Variants in HLA-G observed in about 807,000 individuals in gnomAD.
HLA-G encodes major histocompatibility complex, class I, G, also known as HLA class I histocompatibility antigen, alpha chain G.
HLA-G carries 34 observed loss-of-function variants against 39.3 expected under a neutral mutation model. The observed-to-expected ratio is 0.86, with a 90% CI of 0.66 to 1.15. The LOEUF (loss-of-function observed/expected upper bound fraction) is 1.15. Among genes scored for constraint, HLA-G ranks in the 50% most tolerant of loss-of-function variants. The pLI, the probability that HLA-G is intolerant of heterozygous loss-of-function variation, is 0.00. For synonymous variants in HLA-G, 183 were observed against 185.8 expected, an observed-to-expected ratio of 0.99 and a Z score of 0.12; for missense variants, 419 against 456.4, an observed-to-expected ratio of 0.92 and a Z score of 0.75.
At chr6:29,830,730 T>C (rs1431906267) in intron 6 of HLA-G, 38 bp from the exon 7 acceptor site, 6 of 554,278 alleles carry the variant, frequency 1.1e-5, no homozygotes, top group Non-Finnish European at 2.1e-5. Flanking sequence ...CCCCTCACTG[T>C]GACTGATATG....
chr6:29,828,003 C>G, intron 1 of HLA-G, 44 bp from the exon 2 acceptor site: 1 of 1,599,118 alleles, frequency 6.3e-7, no homozygotes, highest in Non-Finnish European at 8.5e-7. Context: ...GGCAGCCGCG[C>G]CGGGAGGAGG....
rs565858069 is a variant in HLA-G at position 29,828,587 on chromosome 6, G to A, written c.388G>A (p.Asp130Asn). 3 of 1,612,940 alleles carry A rather than the reference G, an allele frequency of 1.9e-6. No individual in the cohort carries two copies. The highest frequency in any genetic ancestry group is 1.3e-5 in the African/African-American group (1 of 74,934). ...GATGATTGGCTGCGACCTGGGGTCC[G>A]ACGGACGCCTCCTCCGCGGGTATGA... ...QWMIGCDLGS[D>N]GRLLRGYEQY... is the part of the protein sequence containing the mutation. The change falls in exon 3 of 7, where the codon GAC becomes AAC. Residue 130 changes from aspartate to asparagine, a missense_variant. Asp to Asn is a conservative substitution (Grantham distance 23). This residue lies in a region of HLA-G where 328 missense variants were observed against 323.0 expected (regional missense o/e 1.02). Coordinates refer to ENST00000360323, the MANE Select transcript of HLA-G (RefSeq NM_001384290.1).
chr6:29,828,585 C>T lies in HLA-G; in HGVS notation c.386C>T (p.Ser129Phe), dbSNP rs78295860. 3 of 1,613,048 alleles carry T rather than the reference C, an allele frequency of 1.9e-6. No individual in the cohort carries two copies. Among genetic ancestry groups the T allele is most frequent in the Admixed American group, 3.3e-5 (2 of 60,030 alleles). ...LQWMIGCDLGSDGRLLRGYEQ... is the reference protein window; with the variant it reads ...LQWMIGCDLGFDGRLLRGYEQ... ...TGGATGATTGGCTGCGACCTGGGGTCCGACGGACGCCTCCTCCGCGGGTAT... is the reference window on the plus strand; with the variant it reads ...TGGATGATTGGCTGCGACCTGGGGTTCGACGGACGCCTCCTCCGCGGGTAT... Residue 129 changes from serine to phenylalanine, a missense_variant, in exon 3 of 7, where the codon TCC (serine) becomes TTC (phenylalanine). Ser to Phe is a radical substitution (Grantham distance 155). This residue lies in a region of HLA-G where 328 missense variants were observed against 323.0 expected (regional missense o/e 1.02). Coordinates refer to ENST00000360323, the MANE Select transcript of HLA-G (RefSeq NM_001384290.1).
rs1562468081 is a variant in HLA-G at position 29,828,191 on chromosome 6, C to A, written c.218C>A (p.Ala73Glu). The change falls in exon 2 of 7, where the codon GCG becomes GAG. Residue 73 changes from alanine (A) to glutamate (E), a missense_variant. By Grantham distance (107) the Ala-to-Glu change is moderately radical. This residue lies in a region of HLA-G where 91 missense variants were observed against 133.4 expected (regional missense o/e 0.68). Coordinates refer to ENST00000360323, the MANE Select transcript of HLA-G (RefSeq NM_001384290.1). The part of the protein sequence containing the change: ...DSACPRMEPR[A>E]PWVEQEGPEY... ...GCGTGTCCGAGGATGGAGCCGCGGG[C>A]GCCGTGGGTGGAGCAGGAGGGGCCG... 6.2e-7 allele frequency: 1 copy of A among 1,613,320 alleles called. No homozygotes were observed. Among genetic ancestry groups the A allele is most frequent in the African/African-American group, 1.3e-5 (1 of 74,906 alleles).
rs1130363 is a variant in HLA-G at position 29,829,919 on chromosome 6, A to G, written c.999A>G (p.Arg333=). ...CTGCGGTCGCTGCTGTGCTGTGGAG[A>G]AAGAAGAGCTCAGGTAAGGAAGGGG... ...TGAAVAAVLW[R]KKSSD The change falls in exon 5 of 7, where the codon AGA becomes AGG. Residue 333 remains arginine (R), a synonymous_variant. Coordinates refer to ENST00000360323, the MANE Select transcript of HLA-G (RefSeq NM_001384290.1). The G allele has an allele frequency of 0.52, 839,100 of 1,608,058 alleles. 224,642 individuals are homozygous for G. The highest frequency in any genetic ancestry group is 0.71 in the South Asian group (64,377 of 90,838).
chr6:29,830,641 G>A, intron 6 of HLA-G, 127 bp from the exon 7 acceptor site: 2 of 706,140 alleles, frequency 2.8e-6, no homozygotes, highest in Non-Finnish European at 5.3e-6. Flanking sequence ...GTTGTTGAGG[G>A]GAACAGGGGA....
At chr6:29,828,974 G>C (rs1760998698) in intron 3 of HLA-G, among the ~76,000 whole-genome samples, 156 bp downstream of exon 3, 1 of 152,112 alleles carries the variant, frequency 6.6e-6, no homozygotes, top group Non-Finnish European at 1.5e-5. Flanking sequence ...TCCTGTACCA[G>C]AGAGTGATTC....
chr6:29,827,974 C>T (rs6932596), intron 1 of HLA-G, 57 bp downstream of exon 1: 475,787 of 1,586,706 alleles, frequency 0.3, 73,931 homozygotes, highest in East Asian at 0.32. Context: ...GGGGCCGGCC[C>T]GGCGGGGGCG....
chr6:29,828,628 T>A lies in HLA-G; in HGVS notation c.429T>A (p.Asp143Glu), dbSNP rs776391546. 6.2e-7 allele frequency: 1 copy of A among 1,613,030 alleles called. No homozygotes were observed. Among genetic ancestry groups the A allele is most frequent in the South Asian group, 1.1e-5 (1 of 91,070 alleles). Residue 143 changes from aspartate to glutamate, a missense_variant, in exon 3 of 7, where the codon GAT becomes GAA. By Grantham distance (45) the Asp-to-Glu change is conservative. Coordinates refer to ENST00000360323, the MANE Select transcript of HLA-G (RefSeq NM_001384290.1). The stretch of plus-strand genomic sequence containing the variant: ...GCGGGTATGAACAGTATGCCTACGA[T>A]GGCAAGGATTACCTCGCCCTGAACG... ...LLRGYEQYAY[D>E]GKDYLALNED...
upstream of HLA-G, chr6:29,827,655 C>T: frequency 1.5e-6 from 1 of 675,052 alleles, no homozygotes. Flanking sequence ...TTGGGGAGGC[C>T]CCGCGTTGGG....
chr6:29,828,492 C>G, intron 2 of HLA-G, 51 bp from the exon 3 acceptor site: 2 of 1,589,590 alleles, frequency 1.3e-6, no homozygotes, highest in Non-Finnish European at 1.7e-6. Flanking sequence ...CGGGTGGGTC[C>G]GGGCGAGGGC....
chr6:29,830,984 AACTT>A lies in HLA-G; in HGVS notation c.*250_*253del, dbSNP rs1185309232. 1.3e-4 allele frequency: 23 copies of A among 181,110 alleles called. No individual in the cohort carries two copies. The Admixed American group carries it at 1.3e-3, about 10-fold the overall frequency. The allele number at this position is 181,110 out of a possible 1,614,324, so 11.2% of individuals were successfully genotyped here. A position where few individuals can be genotyped will look rare whatever the true frequency, so the allele number is the denominator to read the frequency against. On this transcript the variant is annotated 3_prime_UTR_variant, in exon 7 of 7. Transcript: ENST00000360323. The stretch of plus-strand genomic sequence containing the variant: ...TCAAATTTGTGGTCCACTGAGCTAT[AACTT>A]ACTTCTGTATTAAAATTAGAATCTG...
upstream of HLA-G, chr6:29,827,680 TCTC>T (rs1285254885): frequency 1.3e-6 from 1 of 747,052 alleles, no homozygotes; most frequent in South Asian, 1.5e-5. Context: ...CTCTCCTCCT[TCTC>T]CTAACCTGTG....
rs1276280817 is a variant in HLA-G at position 29,829,545 on chromosome 6, C to T, written c.747C>T (p.Thr249=). ...GGCAGCGGGATGGGGAGGACCAGAC[C>T]CAGGACGTGGAGCTCGTGGAGACCA... ...LTWQRDGEDQ[T]QDVELVETRP... Residue 249 remains threonine (T), a synonymous_variant, in exon 4 of 7, where the codon ACC becomes ACT. Coordinates refer to ENST00000360323, the MANE Select transcript of HLA-G (RefSeq NM_001384290.1). 1.9e-6 allele frequency: 3 copies of T among 1,613,844 alleles called. No homozygotes were observed. The highest frequency in any genetic ancestry group is 2.5e-6 in the Non-Finnish European group (3 of 1,179,892).
Position 29,829,823 on chromosome 6 carries a change from T to C in HLA-G, c.903T>C (p.Ser301=). The change falls in exon 5 of 7, where the codon TCT becomes TCC. Residue 301 remains serine, a synonymous_variant. Transcript: ENST00000360323. ...CTTCACCTCCTTTCCCAGAGCAGTC[T>C]TCCCTGCCCACCATCCCCATCATGG... ...PEPLMLRWKQ[S]SLPTIPIMGI... 1 of 1,613,286 alleles carries C rather than the reference T, an allele frequency of 6.2e-7. No homozygotes were observed. The highest frequency in any genetic ancestry group is 8.5e-7 in the Non-Finnish European group (1 of 1,179,486).
rs1760799029 is a variant in HLA-G, at chr6:29,827,854, A to G, written c.10A>G (p.Met4Val). The change falls in exon 1 of 7, where the codon ATG becomes GTG. Residue 4 changes from methionine (M) to valine (V), a missense_variant. Coordinates refer to ENST00000360323, the MANE Select transcript of HLA-G (RefSeq NM_001384290.1). MVVMAPRTLFLLLS... is the reference protein window; with the variant it reads MVVVAPRTLFLLLS... The stretch of plus-strand genomic sequence containing the variant: ...TCCCCAGACGCCAAGGATGGTGGTC[A>G]TGGCGCCCCGAACCCTCTTCCTGCT... 6.2e-7 allele frequency: 1 copy of G among 1,613,044 alleles called. No individual in the cohort carries two copies. Among genetic ancestry groups the G allele is most frequent in the Non-Finnish European group, 8.5e-7 (1 of 1,179,708 alleles).
Position 29,828,605 on chromosome 6 carries a change from G to C in HLA-G, c.406G>C (p.Gly136Arg), listed in dbSNP as rs757457041. The change falls in exon 3 of 7, where the codon GGG (glycine) becomes CGG (arginine). Residue 136 changes from glycine (G) to arginine (R), a missense_variant. This residue lies in a region of HLA-G where 328 missense variants were observed against 323.0 expected (regional missense o/e 1.02). Transcript: ENST00000360323. The stretch of plus-strand genomic sequence containing the variant: ...GGGGTCCGACGGACGCCTCCTCCGC[G>C]GGTATGAACAGTATGCCTACGATGG... Reference protein sequence around the residue: ...DLGSDGRLLRGYEQYAYDGKD... With the variant: ...DLGSDGRLLRRYEQYAYDGKD... 23 of 1,613,070 alleles carry C rather than the reference G, an allele frequency of 1.4e-5. No homozygotes were observed. The highest frequency in any genetic ancestry group is 2.7e-5 in the African/African-American group (2 of 74,944).
chr6:29,827,947 C>G, intron 1 of HLA-G, 30 bp downstream of exon 1: 3 of 1,596,756 alleles, frequency 1.9e-6, no homozygotes, highest in Non-Finnish European at 2.6e-6. Context: ...GGAAACAGCC[C>G]CTGCGCGGAG....
chr6:29,830,707 G>A (rs190645695), intron 6 of HLA-G, 61 bp from the exon 7 acceptor site: 11 of 582,376 alleles, frequency 1.9e-5, no homozygotes, highest in Admixed American at 8.8e-5. Flanking sequence ...GTGATGGGCT[G>A]TTTAAAGTGT....
Sources: gnomAD v4.1 joint callset for allele counts (sites outside exome capture counted in the v4.1 genomes callset) on GRCh38, gnomAD v4.1.1 for gene constraint, gnomAD v4.1.1 regional missense constraint, MANE v1.5 for transcripts, NCBI Gene and HGNC (gene_info 2026-07-23, HGNC 2026-07-21) for gene names.